CDK5RAP2: variants seen among roughly 807,000 people sequenced by gnomAD.
CDK5RAP2 encodes CDK5 regulatory subunit associated protein 2, also known as CDK5 regulatory subunit-associated protein 2.
A neutral mutation model predicts 232.9 loss-of-function variants in CDK5RAP2; 147 were observed. That is an observed-to-expected ratio of 0.63 (90% CI 0.55 to 0.72). The LOEUF (loss-of-function observed/expected upper bound fraction) is 0.72. CDK5RAP2 is among the 30% of genes least tolerant of loss of function. The pLI is 0.00. For synonymous variants in CDK5RAP2, 833 were observed against 833.7 expected (o/e 1.00, Z 0.01); for missense variants, 2,195 against 2,231.5 (o/e 0.98, Z 0.33).
chr9:120,533,096 C>T (rs2041226900), intron 7 of CDK5RAP2, among the ~76,000 whole-genome samples: 1 of 152,156 alleles, frequency 6.6e-6, no homozygotes, highest in Admixed American at 6.5e-5. Flanking sequence ...CATTCCACGC[C>T]CAGGCAGAGC....
rs554414572 is a variant in CDK5RAP2 at position 120,492,013 on chromosome 9, G to GA, written c.1312-537dup. Among the ~76,000 whole-genome samples the GA allele has an allele frequency of 1.8e-3, 264 of 149,850 alleles. 2 individuals carry two copies. The highest frequency in any genetic ancestry group is 5.7e-3 in the African/African-American group (233 of 40,820). Reference sequence around the variant, plus strand: ...AATCCTGTATTATCTTCATAATCAGGAAAAAAACTGTCTTAATACCATTTA... The same window carrying GA: ...AATCCTGTATTATCTTCATAATCAGGAAAAAAAACTGTCTTAATACCATTTA... On this transcript the variant is annotated intron_variant, in intron 12 of 37. Transcript: ENST00000349780.
Position 120,408,454 on chromosome 9 carries a change from ACCT to A in CDK5RAP2, c.4616_4618del (p.Glu1539del). ...TGAGAGCAGCTGCTGCCTCAACTTC[ACCT>A]CCTCCTGCACCCTGAGAAGGCCCCA... On this transcript the variant is annotated inframe_deletion, in exon 31 of 38. Transcript: ENST00000349780. 1 of 1,614,010 alleles carries A rather than the reference ACCT, an allele frequency of 6.2e-7. No individual in the cohort carries two copies. The highest frequency in any genetic ancestry group is 1.1e-5 in the South Asian group (1 of 91,076).
At chr9:120,526,130 A>C (rs1203779256) in intron 10 of CDK5RAP2, among the ~76,000 whole-genome samples, 1 of 152,118 alleles carries the variant, frequency 6.6e-6, no homozygotes, top group Non-Finnish European at 1.5e-5. Context: ...TACTCTCCTT[A>C]GATAAGTAGG....
intron 13 of CDK5RAP2, among the ~76,000 whole-genome samples, chr9:120,490,788 C>G (rs1056140876): frequency 1.3e-5 from 2 of 152,066 alleles, no homozygotes; most frequent in Non-Finnish European, 2.9e-5. Context: ...GGGTTTATAC[C>G]TTTTTATTCT....
intron 27 of CDK5RAP2, 71 bp downstream of exon 27, chr9:120,419,717 A>T: frequency 8.5e-7 from 1 of 1,172,484 alleles, no homozygotes; most frequent in South Asian, 1.2e-5. Flanking sequence ...CACTCTGCTT[A>T]CTAAGGTTAA....
chr9:120,578,829 A>G (rs999581394), intron 1 of CDK5RAP2, among the ~76,000 whole-genome samples: 1 of 152,140 alleles, frequency 6.6e-6, no homozygotes, highest in Admixed American at 6.5e-5. Flanking sequence ...GGCCTCCCCA[A>G]GGGCTAGGAT....
At chr9:120,419,672 T>A in intron 27 of CDK5RAP2, 116 bp downstream of exon 27, 1 of 823,676 alleles carries the variant, frequency 1.2e-6, no homozygotes, top group Non-Finnish European at 2.1e-6. Flanking sequence ...CCTAATGGGA[T>A]CTCCTTTCAT....
intron 11 of CDK5RAP2, among the ~76,000 whole-genome samples, chr9:120,524,366 C>T (rs947112304): frequency 6.6e-6 from 1 of 152,178 alleles, no homozygotes; most frequent in African/African-American, 2.4e-5. Context: ...TACGGCCGGG[C>T]GCAGTGGTTA....
chr9:120,459,841 C>T (rs1363681183), intron 19 of CDK5RAP2, among the ~76,000 whole-genome samples: 3 of 152,184 alleles, frequency 2.0e-5, no homozygotes, highest in Non-Finnish European at 4.4e-5. Flanking sequence ...ACTCCACAAA[C>T]TTGAACACCC....
intron 4 of CDK5RAP2, among the ~76,000 whole-genome samples, chr9:120,547,877 C>G (rs2041907584): frequency 6.6e-6 from 1 of 152,248 alleles, no homozygotes; most frequent in African/African-American, 2.4e-5. Context: ...ACAGAAGACA[C>G]TGAAGTGAAC....
At chr9:120,563,375 A>G (rs371241447) in intron 3 of CDK5RAP2, among the ~76,000 whole-genome samples, 2 of 152,308 alleles carry the variant, frequency 1.3e-5, no homozygotes, top group East Asian at 3.9e-4. Flanking sequence ...ATGGGCCAAG[A>G]TTAGGGATTT....
rs2032983867 is a variant in CDK5RAP2 at position 120,401,285 on chromosome 9, C to A, written c.5308-400G>T. On this transcript the variant is annotated intron_variant, in intron 34 of 37. Coordinates refer to ENST00000349780, the MANE Select transcript of CDK5RAP2 (RefSeq NM_018249.6). ...TACTGGTCCCTGTTAAATGGCCCTG[C>A]TGTAGTGAATATGATATCAGGGTCT... 2.6e-5 allele frequency among the ~76,000 whole-genome samples: 4 copies of A among 151,898 alleles called. No individual in the cohort carries two copies. The South Asian group carries it at 6.2e-4, about 24-fold the overall frequency.
chr9:120,501,058 C>T (rs2039551541), intron 12 of CDK5RAP2, among the ~76,000 whole-genome samples: 1 of 152,214 alleles, frequency 6.6e-6, no homozygotes, highest in Non-Finnish European at 1.5e-5. Context: ...AGGTGCTAGA[C>T]ACTTTCATAA....
intron 26 of CDK5RAP2, among the ~76,000 whole-genome samples, chr9:120,420,417 GCCTGCCTGGCTC>G (rs1275836315): frequency 6.6e-6 from 1 of 152,120 alleles, no homozygotes; most frequent in Admixed American, 6.5e-5. Flanking sequence ...TTTCAACCAG[GCCTGCCTGGCTC>G]CAAGGCCCCA....
intron 3 of CDK5RAP2, among the ~76,000 whole-genome samples, chr9:120,551,569 T>C (rs757979987): frequency 3.3e-5 from 5 of 152,186 alleles, no homozygotes; most frequent in Non-Finnish European, 7.4e-5. Flanking sequence ...AACCTGTATC[T>C]AATCAAGAGG....
intron 7 of CDK5RAP2, among the ~76,000 whole-genome samples, chr9:120,533,797 TAAAAAAAAAAA>T (rs147527299): frequency 5.7e-5 from 3 of 52,716 alleles, no homozygotes; most frequent in South Asian, 1.5e-3. Flanking sequence ...AGACTCCATC[TAAAAAAAAAAA>T]AAAAAAAAAA....
intron 25 of CDK5RAP2, among the ~76,000 whole-genome samples, chr9:120,433,299 C>T (rs998430344): frequency 6.6e-6 from 1 of 152,194 alleles, no homozygotes; most frequent in East Asian, 1.9e-4. Flanking sequence ...AGTTCCTCAC[C>T]TGAAAAACAG....
intron 19 of CDK5RAP2, among the ~76,000 whole-genome samples, chr9:120,459,426 C>T (rs1292966983): frequency 2.0e-5 from 3 of 152,146 alleles, no homozygotes; most frequent in African/African-American, 7.2e-5. Flanking sequence ...GCCATCACCC[C>T]CATCTCTCCA....
intron 12 of CDK5RAP2, among the ~76,000 whole-genome samples, chr9:120,494,136 C>T (rs1219463992): frequency 6.6e-6 from 1 of 150,708 alleles, no homozygotes; most frequent in Non-Finnish European, 1.5e-5. Flanking sequence ...ATGAACTCTG[C>T]TATCAGTCTG....
Sources: allele counts gnomAD v4.1 joint callset (sites outside exome capture counted in the v4.1 genomes callset), GRCh38; gene constraint gnomAD v4.1.1; transcripts MANE v1.5; gene names NCBI Gene and HGNC (gene_info 2026-07-23, HGNC 2026-07-21).